HPCAL1: variants seen among roughly 807,000 people sequenced by gnomAD.
HPCAL1 encodes hippocalcin-like protein 1.
A neutral mutation model predicts 17.1 loss-of-function variants in HPCAL1; 8 were observed. The ratio of observed to expected loss-of-function variants is 0.47; its 90% confidence interval spans 0.27 to 0.84. HPCAL1 has a LOEUF of 0.84. Among genes scored for constraint, HPCAL1 ranks in the 40% least tolerant of loss-of-function variants. The pLI is 0.13. For missense variants in HPCAL1, 165 were observed against 271.1 expected (o/e 0.61, Z 2.75); for synonymous variants, 112 against 111.4 (o/e 1.01, Z -0.03).
At chr2:10,321,893 C>T (rs1663690366) in intron 1 of HPCAL1, among the ~76,000 whole-genome samples, 1 of 152,192 alleles carries the variant, frequency 6.6e-6, no homozygotes, top group African/African-American at 2.4e-5. Flanking sequence ...GGGCTGTTTT[C>T]ACTTTTGGCT....
chr2:10,399,532 C>CACCATCACCATCATCACCACCAT (rs1558518757), intron 2 of HPCAL1, among the ~76,000 whole-genome samples: 1 of 111,978 alleles, frequency 8.9e-6, no homozygotes. Context: ...ACCGCCACTG[C>CACCATCACCATCATCACCACCAT]CACCGCCACC....
At chr2:10,317,418 T>A (rs1270022343) in intron 1 of HPCAL1, among the ~76,000 whole-genome samples, 4 of 9,268 alleles carry the variant, frequency 4.3e-4, no homozygotes, top group African/African-American at 1.4e-3. Context: ...AATTCAACAA[T>A]TTTTTTTTTT....
rs1572803292 is a variant in HPCAL1 at position 10,395,338 on chromosome 2, C to T, written c.-110-1497C>T. 1.3e-5 allele frequency among the ~76,000 whole-genome samples: 2 copies of T among 152,112 alleles called. No homozygotes were observed. The highest frequency in any genetic ancestry group is 2.4e-5 in the African/African-American group (1 of 41,392). On this transcript the variant is annotated intron_variant, in intron 1 of 4. Transcript: ENST00000307845. The surrounding 1 kb of genome is among the most constrained non-coding windows in gnomAD (Gnocchi z 4.4). Reference sequence around the variant, plus strand: ...AAGATACACCCTATTTCCAATCACACGTGATGCATCTCGGGGGCATTCATT... The same window carrying T: ...AAGATACACCCTATTTCCAATCACATGTGATGCATCTCGGGGGCATTCATT...
intron 1 of HPCAL1, among the ~76,000 whole-genome samples, chr2:10,381,294 G>A (rs985980077): frequency 1.3e-5 from 2 of 152,222 alleles, no homozygotes; most frequent in Admixed American, 6.5e-5. Flanking sequence ...CAACAGAGAC[G>A]TGGCTCTGCT....
rs555793971 is a variant in HPCAL1, at chr2:10,426,031, C to T, written c.485-693C>T. ...GGATGGGGAGCGGAGGGTCAGAAAA[C>T]CTCACCCCACCCAGCTCAGCCGATC... On this transcript the variant is annotated intron_variant, in intron 4 of 4. Coordinates refer to ENST00000307845, the MANE Select transcript of HPCAL1 (RefSeq NM_002149.4). The T allele has an allele frequency of 1.8e-4, 28 of 152,498 alleles. No homozygotes were observed. In the South Asian group the frequency reaches 5.6e-3, roughly 30 times the overall value. 9.4% of individuals were successfully genotyped at this position (152,498 alleles called of 1,614,324 possible). A position where few individuals can be genotyped will look rare whatever the true frequency, so the allele number is the denominator to read the frequency against.
intron 1 of HPCAL1, among the ~76,000 whole-genome samples, chr2:10,386,739 C>T (rs1034208344): frequency 1.3e-5 from 2 of 152,284 alleles, no homozygotes; most frequent in East Asian, 3.9e-4. Context: ...GAGGAGACCA[C>T]GCTTCAGATG....
At chr2:10,345,936 A>G (rs933037530) in intron 1 of HPCAL1, among the ~76,000 whole-genome samples, 1 of 152,216 alleles carries the variant, frequency 6.6e-6, no homozygotes, top group African/African-American at 2.4e-5. Flanking sequence ...TTCCTAAGTC[A>G]CACAAGCACA....
At chr2:10,373,809 C>T (rs1157905947) in intron 1 of HPCAL1, among the ~76,000 whole-genome samples, 2 of 152,106 alleles carry the variant, frequency 1.3e-5, no homozygotes. Flanking sequence ...AGGCTCAGCC[C>T]CCACACTGGG....
At chr2:10,350,914 T>C (rs1665804795) in intron 1 of HPCAL1, among the ~76,000 whole-genome samples, 1 of 152,120 alleles carries the variant, frequency 6.6e-6, no homozygotes, top group Non-Finnish European at 1.5e-5. Context: ...AAAAGTCCTA[T>C]AAACTCCAGC....
chr2:10,318,905 C>T (rs1000938223), intron 1 of HPCAL1, among the ~76,000 whole-genome samples: 2 of 152,180 alleles, frequency 1.3e-5, no homozygotes, highest in Non-Finnish European at 2.9e-5. Context: ...TTCTCCATGC[C>T]AGCCCTTGGG....
At chr2:10,392,584 C>T (rs1668772208) in intron 1 of HPCAL1, among the ~76,000 whole-genome samples, 1 of 152,168 alleles carries the variant, frequency 6.6e-6, no homozygotes, top group African/African-American at 2.4e-5. Flanking sequence ...ATGTACCAAG[C>T]ATTTGTTGTG....
At chr2:10,315,288 G>A (rs1025120292) in intron 1 of HPCAL1, among the ~76,000 whole-genome samples, 4 of 112,670 alleles carry the variant, frequency 3.6e-5, no homozygotes, top group African/African-American at 9.4e-5. Flanking sequence ...GCGAGACTCC[G>A]TCTCAAAAAA....
At chr2:10,391,377 G>T (rs896380657) in intron 1 of HPCAL1, among the ~76,000 whole-genome samples, 1 of 152,170 alleles carries the variant, frequency 6.6e-6, no homozygotes, top group African/African-American at 2.4e-5. Flanking sequence ...CTGTCCACTG[G>T]CATATAGGAG....
At chr2:10,324,826 T>G (rs1275215555) in intron 1 of HPCAL1, among the ~76,000 whole-genome samples, 1 of 113,352 alleles carries the variant, frequency 8.8e-6, no homozygotes, top group Non-Finnish European at 2.0e-5. Context: ...GTTTTTTTTT[T>G]TTTTTTTTTT....
At chr2:10,390,254 G>A (rs1668604237) in intron 1 of HPCAL1, among the ~76,000 whole-genome samples, 1 of 152,168 alleles carries the variant, frequency 6.6e-6, no homozygotes, top group Non-Finnish European at 1.5e-5. Context: ...TGTGCTCTGT[G>A]TCTGGTCTCA....
intron 1 of HPCAL1, among the ~76,000 whole-genome samples, chr2:10,361,260 C>CAG (rs34257751): frequency 0.077 from 11,219 of 146,406 alleles, 490 homozygotes; most frequent in Middle Eastern, 0.14. Context: ...GGGTGGATCC[C>CAG]AGAGAGAGAG....
intron 1 of HPCAL1, among the ~76,000 whole-genome samples, chr2:10,387,249 C>A (rs1668373569): frequency 6.6e-6 from 1 of 152,248 alleles, no homozygotes; most frequent in Admixed American, 6.5e-5. Context: ...CTTGTGCCAG[C>A]CTCACGGCCT....
At chr2:10,375,735 A>G (rs1457269103) in intron 1 of HPCAL1, among the ~76,000 whole-genome samples, 2 of 152,194 alleles carry the variant, frequency 1.3e-5, no homozygotes, top group African/African-American at 4.8e-5. Context: ...TTGAAGGAAG[A>G]AGTGAAACCA....
chr2:10,410,000 G>A (rs1670247124), intron 2 of HPCAL1, among the ~76,000 whole-genome samples: 1 of 151,668 alleles, frequency 6.6e-6, no homozygotes, highest in Non-Finnish European at 1.5e-5. Context: ...ATGTTGCTCA[G>A]GCTGGTCTTG....
Sources: allele counts gnomAD v4.1 joint callset (sites outside exome capture counted in the v4.1 genomes callset), GRCh38; gene constraint gnomAD v4.1.1; non-coding constraint Gnocchi (gnomAD v3.1); transcripts MANE v1.5; gene names NCBI Gene and HGNC (gene_info 2026-07-23, HGNC 2026-07-21).